The following LATS1 variants were observed in gnomAD, a reference collection of about 807,000 sequenced individuals.
LATS1 encodes serine/threonine-protein kinase LATS1.
A neutral mutation model predicts 106.6 loss-of-function variants in LATS1; 25 were observed. That is an observed-to-expected ratio of 0.23 (90% CI 0.17 to 0.33). The LOEUF (loss-of-function observed/expected upper bound fraction) is 0.33. LATS1 is among the 10% of genes least tolerant of loss of function. The probability of loss-of-function intolerance (pLI) is 1.00; values close to 1 mark genes in which losing one functional copy is unlikely to be tolerated. For synonymous variants in LATS1, 465 were observed against 455.6 expected (o/e 1.02, Z -0.26); for missense variants, 1,040 against 1,382.6 (o/e 0.75, Z 3.93).
Position 149,683,730 on chromosome 6 carries a change from T to C in LATS1, c.1359A>G (p.Thr453=), listed in dbSNP as rs1562333005. 6 of 1,613,956 alleles carry C rather than the reference T, an allele frequency of 3.7e-6. No individual in the cohort carries two copies. Among genetic ancestry groups the C allele is most frequent in the South Asian group, 1.1e-5 (1 of 91,090 alleles). Reference sequence around the variant, plus strand: ...ACCTCACTGGTATGTTAGGTTGCCATGTAGGGATTTCATGCCCACTGCTCG... The same window carrying C: ...ACCTCACTGGTATGTTAGGTTGCCACGTAGGGATTTCATGCCCACTGCTCG... The part of the protein sequence containing the change: ...SSPSSGHEIP[T]WQPNIPVRSN... The change falls in exon 4 of 8, where the codon ACA becomes ACG. Residue 453 remains threonine (T), a synonymous_variant. Transcript: ENST00000543571.
At position 149,659,381 on chromosome 6, in the gene LATS1, G is replaced by A. The variant is rs1006387622; in HGVS notation, c.*2348C>T. 6.9e-5 allele frequency: 14 copies of A among 204,300 alleles called. No homozygotes were observed. Among genetic ancestry groups the A allele is most frequent in the Non-Finnish European group, 1.2e-4 (12 of 99,544 alleles). The allele number at this position is 204,300 out of a possible 1,614,324, so 12.7% of individuals were successfully genotyped here. A position where few individuals can be genotyped will look rare whatever the true frequency, so the allele number is the denominator to read the frequency against. On this transcript the variant is annotated 3_prime_UTR_variant, in exon 8 of 8. Transcript: ENST00000543571. Reference sequence around the variant, plus strand: ...AGGCTGAGGCGGGAGGACTGCGTGAGCCCCCAAGGTTGAGGATGCAGTGAG... The same window carrying A: ...AGGCTGAGGCGGGAGGACTGCGTGAACCCCCAAGGTTGAGGATGCAGTGAG...
chr6:149,702,021 C>G lies in LATS1; in HGVS notation c.106G>C (p.Glu36Gln). 6.2e-7 allele frequency: 1 copy of G among 1,614,098 alleles called. No individual in the cohort carries two copies. The highest frequency in any genetic ancestry group is 1.1e-5 in the South Asian group (1 of 91,076). Residue 36 changes from glutamate to glutamine, a missense_variant, in exon 2 of 8, where the codon GAA becomes CAA. This residue lies in a region of LATS1 where 624 missense variants were observed against 714.8 expected (regional missense o/e 0.87). Transcript: ENST00000543571. ...GGTTTAGATAAATTCCTAAGGGATT[C>G]CCGAATTTCTTGTAACATTTGCCGG... ...SSRQMLQEIR[E>Q]SLRNLSKPSD...
intron 2 of LATS1, among the ~76,000 whole-genome samples, chr6:149,698,075 G>A (rs923754096): frequency 2.0e-5 from 3 of 151,994 alleles, no homozygotes; most frequent in African/African-American, 7.2e-5. Flanking sequence ...TTTCAGCCTT[G>A]TGATTCTGGT....
At chr6:149,716,307 T>G (rs1026239337) in intron 1 of LATS1, 1 of 152,172 alleles carries the variant, frequency 6.6e-6, no homozygotes, top group Non-Finnish European at 1.5e-5. Context: ...GCAGGCAACA[T>G]AGCGAGTTCC....
chr6:149,694,338 G>T (rs544221780), intron 3 of LATS1, among the ~76,000 whole-genome samples: 3 of 152,168 alleles, frequency 2.0e-5, no homozygotes, highest in African/African-American at 7.2e-5. Context: ...TTTTTGTTGG[G>T]TTGTTTGTTT....
chr6:149,677,351 A>G (rs1029557410), intron 5 of LATS1, among the ~76,000 whole-genome samples: 2 of 152,244 alleles, frequency 1.3e-5, no homozygotes, highest in African/African-American at 4.8e-5. Flanking sequence ...CAGAAATAAC[A>G]GCAACAGAGA....
intron 2 of LATS1, among the ~76,000 whole-genome samples, chr6:149,695,529 T>C (rs1359378396): frequency 1.3e-5 from 2 of 152,070 alleles, no homozygotes; most frequent in Admixed American, 6.6e-5. Flanking sequence ...ACACAAAAAT[T>C]AGCTGGGTGT....
intron 7 of LATS1, among the ~76,000 whole-genome samples, chr6:149,673,922 G>A (rs1000405432): frequency 1.3e-5 from 2 of 151,722 alleles, no homozygotes; most frequent in African/African-American, 2.4e-5. Context: ...TGATCCACCC[G>A]CCTCAGCCTC....
chr6:149,710,246 T>C (rs1422425412), intron 1 of LATS1, among the ~76,000 whole-genome samples: 4 of 152,226 alleles, frequency 2.6e-5, no homozygotes, highest in Non-Finnish European at 5.9e-5. Flanking sequence ...GGCTGTGTCA[T>C]GGGGCAATAG....
chr6:149,677,324 G>A (rs1781774641), intron 5 of LATS1, among the ~76,000 whole-genome samples: 1 of 152,158 alleles, frequency 6.6e-6, no homozygotes, highest in African/African-American at 2.4e-5. Flanking sequence ...TTATAAATCA[G>A]GATTAGGTAT....
rs750553952 is a variant in LATS1, at chr6:149,683,896, G to A, written c.1193C>T (p.Ser398Leu). 5 of 1,613,984 alleles carry A rather than the reference G, an allele frequency of 3.1e-6. No individual in the cohort carries two copies. Among genetic ancestry groups the A allele is most frequent in the East Asian group, 4.5e-5 (2 of 44,900 alleles). The stretch of plus-strand genomic sequence containing the variant: ...AGGAATACTTCCATTTGTATATGAC[G>A]AAGGAGCAGCAGATCCCCCTGTTTG... The part of the protein sequence containing the change: ...ALQTGGSAAP[S>L]SYTNGSIPQS... The change falls in exon 4 of 8, where the codon TCG becomes TTG. Residue 398 changes from serine (S) to leucine (L), a missense_variant. Physicochemically the swap from Ser to Leu is moderately radical, Grantham distance 145. Transcript: ENST00000543571.
intron 3 of LATS1, among the ~76,000 whole-genome samples, chr6:149,688,032 G>A (rs1368351064): frequency 2.6e-5 from 4 of 151,506 alleles, no homozygotes; most frequent in Non-Finnish European, 4.4e-5. Flanking sequence ...CCACCACCAC[G>A]CCCAGCTAAG....
At chr6:149,665,914 G>C (rs1781117416) in intron 7 of LATS1, among the ~76,000 whole-genome samples, 1 of 152,030 alleles carries the variant, frequency 6.6e-6, no homozygotes, top group South Asian at 2.1e-4. Flanking sequence ...GGCCAAGGTA[G>C]GCAGATCACC....
chr6:149,667,438 CAAAAAAAAAAAA>C (rs1189854950), intron 7 of LATS1, among the ~76,000 whole-genome samples: 8 of 33,958 alleles, frequency 2.4e-4, no homozygotes, highest in Admixed American at 1.3e-3. Context: ...GACTGTATCT[CAAAAAAAAAAAA>C]AAAAAAAAAA....
At chr6:149,699,915 G>C (rs908276369) in intron 2 of LATS1, among the ~76,000 whole-genome samples, 1 of 152,140 alleles carries the variant, frequency 6.6e-6, no homozygotes, top group Non-Finnish European at 1.5e-5. Context: ...TCTTTGCTTA[G>C]CAATATGTAA....
chr6:149,682,474 C>T (rs1483164494), intron 4 of LATS1, among the ~76,000 whole-genome samples: 5 of 149,544 alleles, frequency 3.3e-5, no homozygotes, highest in South Asian at 4.2e-4. Context: ...TGCAGTGGCG[C>T]GATCTCGGCT....
At chr6:149,692,332 A>C (rs1338439044) in intron 3 of LATS1, among the ~76,000 whole-genome samples, 3 of 151,938 alleles carry the variant, frequency 2.0e-5, no homozygotes, top group Non-Finnish European at 4.4e-5. Flanking sequence ...CACTCACTAA[A>C]CCCATTCCCA....
Position 149,684,582 on chromosome 6 carries a change from C to A in LATS1, c.507G>T (p.Gln169His), listed in dbSNP as rs201313126. The stretch of plus-strand genomic sequence containing the variant: ...AGCTCTGTTTGCGGTTAACTGATTG[C>A]TGCACATTCCCTATGGTTATAAGAG... ...INASMKPGNVQQSVNRKQSWK... is the reference protein window; with the variant it reads ...INASMKPGNVHQSVNRKQSWK... Residue 169 changes from glutamine (Q) to histidine (H), a missense_variant, in exon 4 of 8, where the codon CAG (glutamine) becomes CAT (histidine). Transcript: ENST00000543571. 1.1e-5 allele frequency: 18 copies of A among 1,592,348 alleles called. 2 individuals are homozygous for A. Among genetic ancestry groups the A allele is most frequent in the Non-Finnish European group, 1.1e-5 (13 of 1,166,248 alleles).
chr6:149,675,173 C>T (rs993837923), intron 7 of LATS1, among the ~76,000 whole-genome samples: 5 of 148,226 alleles, frequency 3.4e-5, no homozygotes, highest in Admixed American at 6.8e-5. Flanking sequence ...ACTGAGATCA[C>T]GCCACTGCAC....
Sources: gnomAD v4.1 joint callset for allele counts (sites outside exome capture counted in the v4.1 genomes callset) on GRCh38, gnomAD v4.1.1 for gene constraint, gnomAD v4.1.1 regional missense constraint, MANE v1.5 for transcripts, NCBI Gene and HGNC (gene_info 2026-07-23, HGNC 2026-07-21) for gene names.